Variants in GPS1 observed in about 807,000 individuals in gnomAD.
GPS1 encodes G protein pathway suppressor 1, also known as COP9 signalosome complex subunit 1.
Under a neutral mutation model 60.0 loss-of-function variants are expected in GPS1, and 11 were observed. That is an observed-to-expected ratio of 0.18 (90% CI 0.12 to 0.30). The LOEUF (loss-of-function observed/expected upper bound fraction) is 0.30. GPS1 is among the 10% of genes least tolerant of loss of function. GPS1 has a pLI of 1.00. For synonymous variants in GPS1, 343 were observed against 269.8 expected, an observed-to-expected ratio of 1.27 and a Z score of -2.66; for missense variants, 543 against 669.2, an observed-to-expected ratio of 0.81 and a Z score of 2.08.
At position 82,056,475 on chromosome 17, in the gene GPS1, C is replaced by T. The variant is rs1475179776; in HGVS notation, c.1041C>T (p.Asn347=). The change falls in exon 10 of 13, where the codon AAC becomes AAT. Residue 347 remains asparagine (N), a synonymous_variant. Transcript: ENST00000578552. ...CLKMLDEMKD[N]LLLDMYLAPH... Reference sequence around the variant, plus strand: ...CTGACCAGCCCCTTCCCCAGGACAACCTGCTCCTGGACATGTATCTGGCCC... The same window carrying T: ...CTGACCAGCCCCTTCCCCAGGACAATCTGCTCCTGGACATGTATCTGGCCC... 1 of 1,613,194 alleles carries T rather than the reference C, an allele frequency of 6.2e-7. No homozygotes were observed. Among genetic ancestry groups the T allele is most frequent in the East Asian group, 2.2e-5 (1 of 44,878 alleles).
At chr17:82,055,590 C>T (rs1370512932) in intron 6 of GPS1, 150 bp from the exon 7 acceptor site, 2 of 633,698 alleles carry the variant, frequency 3.2e-6, no homozygotes, top group Non-Finnish European at 2.8e-6. Flanking sequence ...AGTATCTGTC[C>T]CCAGCGCTGA....
At chr17:82,055,708 C>CCCCCCA in intron 6 of GPS1, 32 bp from the exon 7 acceptor site, 4 of 1,204,280 alleles carry the variant, frequency 3.3e-6, no homozygotes, top group Non-Finnish European at 4.8e-6. Context: ...TACCCCCTCT[C>CCCCCCA]CCCCCTCCCC....
At chr17:82,050,933 G>A, upstream of GPS1, 6 of 1,412,556 alleles carry the variant, frequency 4.2e-6, no homozygotes, top group Non-Finnish European at 5.6e-6. Context: ...TGACCCTGCT[G>A]GTGCCACCGA....
In GPS1 at chr17:82,055,853, G is replaced by A. The variant is rs2032539867; in HGVS notation, c.834+28G>A. The stretch of plus-strand genomic sequence containing the variant: ...GAGGAGCCCTCTGGGGACTTGGGAG[G>A]CAGAGCATGGGCTCATGGGTCAGGC... On this transcript the variant is annotated intron_variant, in intron 7 of 12. Transcript: ENST00000578552. 3.9e-6 allele frequency: 6 copies of A among 1,539,188 alleles called. No homozygotes were observed. In the East Asian group the frequency reaches 9.6e-5, roughly 25 times the overall value.
Position 82,054,420 on chromosome 17 carries a change from C to A in GPS1, c.309-90C>A, listed in dbSNP as rs2144511127. Reference sequence around the variant, plus strand: ...GGTGCCCACCTGTGTGCCGGTTGGGCCTTTGAGGGCAGCCTGAGATTGGCG... The same window carrying A: ...GGTGCCCACCTGTGTGCCGGTTGGGACTTTGAGGGCAGCCTGAGATTGGCG... On this transcript the variant is annotated intron_variant, in intron 3 of 12. Transcript: ENST00000578552. 4 of 1,423,390 alleles carry A rather than the reference C, an allele frequency of 2.8e-6. No individual in the cohort carries two copies. The East Asian group carries it at 1.0e-4, about 36-fold the overall frequency. The allele number at this position is 1,423,390 out of a possible 1,614,324, so 88.2% of individuals were successfully genotyped here.
Position 82,056,456 on chromosome 17 carries a change from AG to A in GPS1, c.1036-13del. On this transcript the variant is annotated splice_polypyrimidine_tract_variant and intron_variant, in intron 9 of 12. Coordinates refer to ENST00000578552, the MANE Select transcript of GPS1 (RefSeq NM_001321092.3). ...CTGGCCTCCTGTCCTGGTCCTGACC[AG>A]CCCCTTCCCCAGGACAACCTGCTCC... The A allele has an allele frequency of 2.5e-6, 4 of 1,613,068 alleles. No homozygotes were observed. Among genetic ancestry groups the A allele is most frequent in the Non-Finnish European group, 3.4e-6 (4 of 1,179,966 alleles).
intron 7 of GPS1, 29 bp downstream of exon 7, chr17:82,055,854 C>G (rs760512015): frequency 6.5e-7 from 1 of 1,538,144 alleles, no homozygotes; most frequent in African/African-American, 1.4e-5. Flanking sequence ...ACTTGGGAGG[C>G]AGAGCATGGG....
At chr17:82,055,409 G>T in intron 6 of GPS1, 187 bp downstream of exon 6, 1 of 668,274 alleles carries the variant, frequency 1.5e-6, no homozygotes, top group Non-Finnish European at 2.7e-6. Context: ...AGTGGGTGAC[G>T]TGTGGTCAGG....
At position 82,053,280 on chromosome 17, in the gene GPS1, G is replaced by T; in HGVS notation, c.40G>T (p.Val14Leu). 6.5e-7 allele frequency: 1 copy of T among 1,542,804 alleles called. No individual in the cohort carries two copies. Among genetic ancestry groups the T allele is most frequent in the Non-Finnish European group, 8.7e-7 (1 of 1,153,722 alleles). Residue 14 changes from valine (V) to leucine (L), a missense_variant, in exon 2 of 13, where the codon GTG becomes TTG. By Grantham distance (32) the Val-to-Leu change is conservative (BLOSUM62 1). This residue lies in a region of GPS1 where 181 missense variants were observed against 188.8 expected (regional missense o/e 0.96). Transcript: ENST00000578552. ...PVQVFNLQGAVEPMQIDVDPQ... is the reference protein window; with the variant it reads ...PVQVFNLQGALEPMQIDVDPQ... Reference sequence around the variant, plus strand: ...TGCCTGGCCCATGTTGCAGGGGGCCGTGGAGCCCATGCAGATCGACGTGGA... The same window carrying T: ...TGCCTGGCCCATGTTGCAGGGGGCCTTGGAGCCCATGCAGATCGACGTGGA...
upstream of GPS1, chr17:82,050,970 G>A: frequency 1.4e-6 from 2 of 1,428,830 alleles, no homozygotes; most frequent in Non-Finnish European, 1.8e-6. Context: ...CATCGGTTGG[G>A]ATCTCTTGAG....
chr17:82,056,672 C>G lies in GPS1; in HGVS notation c.1160C>G (p.Ala387Gly). The change falls in exon 11 of 13, where the codon GCA becomes GGA. Residue 387 changes from alanine (A) to glycine (G), a missense_variant. Ala to Gly is a moderately conservative substitution (Grantham distance 60). This residue lies in a region of GPS1 where 291 missense variants were observed against 353.7 expected (regional missense o/e 0.82). Coordinates refer to ENST00000578552, the MANE Select transcript of GPS1 (RefSeq NM_001321092.3). ...TCAGCCGACATGCATAGGATGGCGGCAGCCTTCAATACCACGGTGGCCGCC... is the reference window on the plus strand; with the variant it reads ...TCAGCCGACATGCATAGGATGGCGGGAGCCTTCAATACCACGGTGGCCGCC... ...YVSADMHRMA[A>G]AFNTTVAALE... The G allele has an allele frequency of 6.2e-7, 1 of 1,602,642 alleles. No homozygotes were observed.
Position 82,056,069 on chromosome 17 carries a change from G to C in GPS1, c.903G>C (p.Glu301Asp), listed in dbSNP as rs750961195. The change falls in exon 8 of 13, where the codon GAG becomes GAC. Residue 301 changes from glutamate to aspartate, a missense_variant. Physicochemically the swap from Glu to Asp is conservative, Grantham distance 45. Coordinates refer to ENST00000578552, the MANE Select transcript of GPS1 (RefSeq NM_001321092.3). ...CCTTGGCTACCTTTGACCGGCAGGAGCTGCAGCGCAATGTCATCTCCAGCA... is the reference window on the plus strand; with the variant it reads ...CCTTGGCTACCTTTGACCGGCAGGACCTGCAGCGCAATGTCATCTCCAGCA... Reference protein sequence around the residue: ...LCALATFDRQELQRNVISSSS... With the variant: ...LCALATFDRQDLQRNVISSSS... The C allele has an allele frequency of 6.2e-7, 1 of 1,612,574 alleles. No homozygotes were observed. The highest frequency in any genetic ancestry group is 8.5e-7 in the Non-Finnish European group (1 of 1,179,840).
At chr17:82,053,644 C>CG in intron 2 of GPS1, 2 of 563,762 alleles carry the variant, frequency 3.5e-6, no homozygotes, top group Admixed American at 3.4e-5. Context: ...CGAAAGCCCC[C>CG]GGGTGCAGGG....
rs2031104589 is a variant in GPS1, at chr17:82,052,564, C to G, written c.33+600C>G. 7.3e-6 allele frequency: 10 copies of G among 1,370,208 alleles called. 1 individual carries two copies. The South Asian group carries it at 1.2e-4, about 17-fold the overall frequency. 84.9% of individuals were successfully genotyped at this position (1,370,208 alleles called of 1,614,324 possible). On this transcript the variant is annotated intron_variant, in intron 1 of 12. Coordinates refer to ENST00000578552, the MANE Select transcript of GPS1 (RefSeq NM_001321092.3). ...CTGCTCTGCTGGCCGAGGACAGGGA[C>G]TCAGTGCCAAGCGCAGGAGGGGAGG...
At position 82,057,162 on chromosome 17, in the gene GPS1, C is replaced by T; in HGVS notation, c.*35C>T. On this transcript the variant is annotated 3_prime_UTR_variant, in exon 13 of 13. Coordinates refer to ENST00000578552, the MANE Select transcript of GPS1 (RefSeq NM_001321092.3). ...CTTGGCCTCCAGGACATCTGCACCCCCTCCCCACCTCCACGGACCTCGGAC... is the reference window on the plus strand; with the variant it reads ...CTTGGCCTCCAGGACATCTGCACCCTCTCCCCACCTCCACGGACCTCGGAC... 6.4e-7 allele frequency: 1 copy of T among 1,569,602 alleles called. No individual in the cohort carries two copies. The highest frequency in any genetic ancestry group is 1.4e-5 in the African/African-American group (1 of 74,054).
upstream of GPS1, chr17:82,051,703 G>GCGCGGCCAGGGC: frequency 9.8e-6 from 10 of 1,020,650 alleles, no homozygotes; most frequent in Non-Finnish European, 1.1e-5. The surrounding 1 kb of genome is among the most constrained non-coding windows in gnomAD (Gnocchi z 4.1). Flanking sequence ...AGTAACAGCA[G>GCGCGGCCAGGGC]CGCGGCCAGG....
chr17:82,052,128 G>T, intron 1 of GPS1, 164 bp downstream of exon 1: 5 of 914,858 alleles, frequency 5.5e-6, no homozygotes, highest in Non-Finnish European at 7.1e-6. Context: ...AGGGCCGAGG[G>T]CGCGTCTCCG....
Position 82,056,924 on chromosome 17 carries a change from A to C in GPS1, c.1339A>C (p.Lys447Gln). The change falls in exon 12 of 13, where the codon AAG (lysine) becomes CAG (glutamine). Residue 447 changes from lysine (K) to glutamine (Q), a missense_variant. Transcript: ENST00000578552. Reference protein sequence around the residue: ...LMGKEFQRRAKAMMLRAAVLR... With the variant: ...LMGKEFQRRAQAMMLRAAVLR... ...GGGCAAGGAGTTCCAGCGCCGCGCC[A>C]AGGCCATGATGCTGCGGGCAGCTGT... is the stretch of plus-strand genomic sequence containing the variant. 6.2e-7 allele frequency: 1 copy of C among 1,612,950 alleles called. No individual in the cohort carries two copies. The highest frequency in any genetic ancestry group is 8.5e-7 in the Non-Finnish European group (1 of 1,179,948).
In GPS1 at chr17:82,053,879, G is replaced by C; in HGVS notation, c.138G>C (p.Gln46His). The change falls in exon 3 of 13, where the codon CAG (glutamine) becomes CAC (histidine). Residue 46 changes from glutamine to histidine, a missense_variant. Gln to His is a conservative substitution (Grantham distance 24, BLOSUM62 0). This residue lies in a region of GPS1 where 181 missense variants were observed against 188.8 expected (regional missense o/e 0.96). Transcript: ENST00000578552. Reference sequence around the variant, plus strand: ...GTGCCTGCTCCCAGGATCTGGAACAGTACGCGGCCAGCTACAGCGGCCTGA... The same window carrying C: ...GTGCCTGCTCCCAGGATCTGGAACACTACGCGGCCAGCTACAGCGGCCTGA... ...VVENPSLDLE[Q>H]YAASYSGLMR... 1.2e-6 allele frequency: 2 copies of C among 1,610,390 alleles called. No individual in the cohort carries two copies. Among genetic ancestry groups the C allele is most frequent in the Non-Finnish European group, 1.7e-6 (2 of 1,179,374 alleles).
Sources: gnomAD v4.1 joint callset for allele counts on GRCh38, gnomAD v4.1.1 for gene constraint, gnomAD v4.1.1 regional missense constraint, Gnocchi (gnomAD v3.1) non-coding constraint, MANE v1.5 for transcripts, NCBI Gene and HGNC (gene_info 2026-07-23, HGNC 2026-07-21) for gene names.